Variants in JARID2 observed in about 807,000 individuals in gnomAD.
JARID2 encodes the protein jumonji and AT-rich interaction domain containing 2, also known as protein Jumonji.
A neutral mutation model predicts 125.6 loss-of-function variants in JARID2; 21 were observed. That is an observed-to-expected ratio of 0.17 (90% CI 0.12 to 0.24). JARID2 has a LOEUF of 0.24. Ranked by LOEUF, JARID2 falls within the 10% of genes least tolerant of loss-of-function variation. The pLI is 1.00. For synonymous variants in JARID2, 736 were observed against 661.6 expected, an observed-to-expected ratio of 1.11 and a Z score of -1.73; for missense variants, 1,303 against 1,639.6, an observed-to-expected ratio of 0.79 and a Z score of 3.55.
chr6:15,388,362 A>G (rs1764868329), intron 2 of JARID2, among the ~76,000 whole-genome samples: 1 of 152,134 alleles, frequency 6.6e-6, no homozygotes. Context: ...ATTACCCTAC[A>G]GTTCATAAAT....
chr6:15,458,552 TCAG>T (rs1465187611), intron 4 of JARID2, among the ~76,000 whole-genome samples: 1 of 152,268 alleles, frequency 6.6e-6, no homozygotes, highest in Non-Finnish European at 1.5e-5. Context: ...GCTAATTAAT[TCAG>T]CAAACCTTTA....
chr6:15,507,090 T>C (rs753659015), intron 9 of JARID2, 46 bp from the exon 10 acceptor site: 4 of 1,231,938 alleles, frequency 3.2e-6, no homozygotes, highest in Admixed American at 1.7e-5. Flanking sequence ...GCTCTGTGGC[T>C]GCAGCACCTT....
chr6:15,333,457 G>A (rs929684522), intron 1 of JARID2, among the ~76,000 whole-genome samples: 11 of 152,042 alleles, frequency 7.2e-5, no homozygotes, highest in Admixed American at 2.6e-4. Flanking sequence ...CATATGCTAT[G>A]TGGCCATACG....
intron 2 of JARID2, among the ~76,000 whole-genome samples, chr6:15,392,636 T>C (rs143257477): frequency 6.6e-6 from 1 of 151,674 alleles, no homozygotes; most frequent in East Asian, 1.9e-4. Context: ...ACTAGCTACC[T>C]GTGATGCTTG....
intron 3 of JARID2, among the ~76,000 whole-genome samples, chr6:15,422,834 T>G (rs981602973): frequency 1.3e-5 from 2 of 152,316 alleles, no homozygotes; most frequent in African/African-American, 2.4e-5. Context: ...GACTCTGTTT[T>G]GGGATTATAA....
chr6:15,444,615 T>G (rs1767589140), intron 3 of JARID2, among the ~76,000 whole-genome samples: 2 of 148,510 alleles, frequency 1.3e-5, no homozygotes, highest in Non-Finnish European at 3.0e-5. Flanking sequence ...CACAGGAAAT[T>G]TTTTTTTTTT....
At chr6:15,460,579 C>T (rs188082324) in intron 4 of JARID2, among the ~76,000 whole-genome samples, 38 of 152,294 alleles carry the variant, frequency 2.5e-4, no homozygotes, top group African/African-American at 7.2e-4. Flanking sequence ...GTCTGTGTCC[C>T]GCAGGGAAGT....
intron 3 of JARID2, among the ~76,000 whole-genome samples, chr6:15,422,066 C>G (rs964369482): frequency 1.3e-5 from 2 of 152,188 alleles, no homozygotes; most frequent in African/African-American, 4.8e-5. Flanking sequence ...TGAGCAGAAC[C>G]TACAGCTCCC....
intron 1 of JARID2, among the ~76,000 whole-genome samples, chr6:15,267,667 G>C (rs995349478): frequency 1.3e-5 from 2 of 152,110 alleles, no homozygotes; most frequent in African/African-American, 4.8e-5. Context: ...CCGGTGTGAC[G>C]CGCGAACTCA....
chr6:15,370,015 A>T (rs1764108108), intron 1 of JARID2, among the ~76,000 whole-genome samples: 1 of 152,154 alleles, frequency 6.6e-6, no homozygotes, highest in Admixed American at 6.5e-5. Context: ...TTTTATGAGG[A>T]TAGCAGTGTG....
chr6:15,414,227 TTATC>T (rs1426297822), intron 3 of JARID2, among the ~76,000 whole-genome samples: 46 of 152,274 alleles, frequency 3.0e-4, no homozygotes, highest in Middle Eastern at 3.4e-3. Context: ...AGTTCCAACT[TTATC>T]TAGTCTGCTT....
intron 1 of JARID2, among the ~76,000 whole-genome samples, chr6:15,283,341 AT>A (rs58985984): frequency 0.33 from 40,532 of 123,400 alleles, 5,734 homozygotes; most frequent in African/African-American, 0.45. Context: ...TCCTTTAAGT[AT>A]TTTTTTTTTT....
chr6:15,413,922 G>T (rs1488674248), intron 3 of JARID2, among the ~76,000 whole-genome samples: 3 of 152,206 alleles, frequency 2.0e-5, no homozygotes, highest in African/African-American at 4.8e-5. Context: ...CATGAACTTT[G>T]GGGGCCACAT....
chr6:15,377,776 C>T (rs1358655485), intron 2 of JARID2, among the ~76,000 whole-genome samples: 12 of 152,010 alleles, frequency 7.9e-5, no homozygotes, highest in Non-Finnish European at 1.8e-4. Context: ...TTGTGATCTA[C>T]CTGCTTCGGC....
intron 1 of JARID2, among the ~76,000 whole-genome samples, chr6:15,343,290 TA>T (rs5874510): frequency 0.065 from 9,033 of 138,486 alleles, 335 homozygotes; most frequent in South Asian, 0.12. Flanking sequence ...GTTAAGGATT[TA>T]AAAAAAAAAA....
intron 1 of JARID2, among the ~76,000 whole-genome samples, chr6:15,270,940 C>CAAAAAAA (rs796496821): frequency 7.1e-6 from 1 of 141,032 alleles, no homozygotes; most frequent in African/African-American, 2.6e-5. Flanking sequence ...GGCTCCCTCT[C>CAAAAAAA]AAAAAAAAAA....
chr6:15,262,531 C>G (rs1247916881), intron 1 of JARID2, among the ~76,000 whole-genome samples: 3 of 132,858 alleles, frequency 2.3e-5, no homozygotes, highest in Non-Finnish European at 4.9e-5. Flanking sequence ...TATGGTTTGG[C>G]TATTTTTTTT....
intron 2 of JARID2, among the ~76,000 whole-genome samples, chr6:15,393,877 C>G (rs1290597494): frequency 6.6e-6 from 1 of 152,088 alleles, no homozygotes; most frequent in African/African-American, 2.4e-5. Flanking sequence ...CGCAAAACTG[C>G]TTTAGTTACA....
At chr6:15,453,220 T>C (rs977592270) in intron 4 of JARID2, among the ~76,000 whole-genome samples, 1 of 152,244 alleles carries the variant, frequency 6.6e-6, no homozygotes, top group Non-Finnish European at 1.5e-5. Flanking sequence ...TGTCCAAGTT[T>C]AGAGCAAAAG....
Sources: gnomAD v4.1 joint callset for allele counts (sites outside exome capture counted in the v4.1 genomes callset) on GRCh38, gnomAD v4.1.1 for gene constraint, MANE v1.5 for transcripts, NCBI Gene and HGNC (gene_info 2026-07-23, HGNC 2026-07-21) for gene names.